Variants in PIGX observed in about 807,000 individuals in gnomAD.
The protein encoded by PIGX is GPI alpha-1,4-mannosyltransferase I, stabilizing subunit.
Under a neutral mutation model 28.7 loss-of-function variants are expected in PIGX, and 24 were observed. The observed-to-expected ratio is 0.84, with a 90% CI of 0.60 to 1.17. The LOEUF (loss-of-function observed/expected upper bound fraction) is 1.17, where lower values mean the gene tolerates loss of function less well. Among genes scored for constraint, PIGX ranks in the 50% most tolerant of loss-of-function variants. The pLI is 0.00. For synonymous variants in PIGX, 127 were observed against 121.0 expected (o/e 1.05, Z -0.33); for missense variants, 305 against 317.8 (o/e 0.96, Z 0.31).
chr3:196,724,138 C>T (rs913438541), intron 3 of PIGX, among the ~76,000 whole-genome samples: 5 of 151,712 alleles, frequency 3.3e-5, no homozygotes, highest in Admixed American at 6.6e-5. Context: ...CCTCAGCCTC[C>T]CGAGTAGCTA....
In PIGX at chr3:196,722,556, G is replaced by A. The variant is rs1352720846; in HGVS notation, c.318G>A (p.Glu106=). The change falls in exon 3 of 6, where the codon GAG becomes GAA. Residue 106 remains glutamate, a splice_region_variant and synonymous_variant. Transcript: ENST00000392391. The stretch of plus-strand genomic sequence containing the variant: ...CATTACGAGAGAGAAACATAACAGA[G>A]GTACAGTTATTAGGGGATTTTTTGG... The A allele has an allele frequency of 8.1e-6, 13 of 1,612,140 alleles. No homozygotes were observed. Among genetic ancestry groups the A allele is most frequent in the Non-Finnish European group, 1.0e-5 (12 of 1,178,824 alleles).
At chr3:196,721,498 C>T (rs942044498) in intron 2 of PIGX, 3 of 159,346 alleles carry the variant, frequency 1.9e-5, no homozygotes, top group African/African-American at 7.3e-5. Context: ...TATAATGGCG[C>T]TATCAGAGCT....
intron 1 of PIGX, 135 bp downstream of exon 1, chr3:196,712,779 A>G (rs1050747855): frequency 1.8e-6 from 2 of 1,107,138 alleles, no homozygotes; most frequent in African/African-American, 1.7e-5. Flanking sequence ...GTCAGACACT[A>G]GAGCCGTGTG....
Position 196,732,282 on chromosome 3 carries a change from TATTTTA to T in PIGX, c.633+1191_633+1196del, listed in dbSNP as rs1560080876. Among the ~76,000 whole-genome samples, 759 of 83,506 alleles carry T rather than the reference TATTTTA, an allele frequency of 9.1e-3. 160 individuals carry two copies. The highest frequency in any genetic ancestry group is 0.027 in the East Asian group (56 of 2,106). 54.8% of individuals were successfully genotyped at this position (83,506 alleles called of 152,430 possible). A position where few individuals can be genotyped will look rare whatever the true frequency, so the allele number is the denominator to read the frequency against. On this transcript the variant is annotated intron_variant, in intron 5 of 5. Coordinates refer to ENST00000392391, the MANE Select transcript of PIGX (RefSeq NM_017861.4). The stretch of plus-strand genomic sequence containing the variant: ...TTTTATTTTATTTTATTTTTTTTTT[TATTTTA>T]TTTTTTTTTTTGAGACGGAGTCTCG...
intron 2 of PIGX, among the ~76,000 whole-genome samples, chr3:196,721,666 C>G (rs956947532): frequency 2.6e-5 from 4 of 152,026 alleles, no homozygotes; most frequent in African/African-American, 9.7e-5. Flanking sequence ...AAACTCCTGG[C>G]TTCAAATGAT....
intron 3 of PIGX, among the ~76,000 whole-genome samples, chr3:196,727,468 TACTC>T (rs1466089257): frequency 1.3e-5 from 2 of 152,224 alleles, no homozygotes; most frequent in Non-Finnish European, 2.9e-5. Flanking sequence ...GCAGTGCTCT[TACTC>T]ACTGCCATCT....
In PIGX at chr3:196,722,546, A is replaced by G. The variant is rs1352802465; in HGVS notation, c.308A>G (p.Asn103Ser). The G allele has an allele frequency of 6.2e-7, 1 of 1,613,374 alleles. No homozygotes were observed. Among genetic ancestry groups the G allele is most frequent in the Non-Finnish European group, 8.5e-7 (1 of 1,179,496 alleles). ...GAGTTGGCTTCATTACGAGAGAGAA[A>G]CATAACAGAGGTACAGTTATTAGGG... The change falls in exon 3 of 6, where the codon AAC becomes AGC. Residue 103 changes from asparagine (N) to serine (S), a missense_variant. Physicochemically the swap from Asn to Ser is conservative, Grantham distance 46. Transcript: ENST00000392391.
At position 196,733,882 on chromosome 3, in the gene PIGX, T is replaced by TA. The variant is rs772151616; in HGVS notation, c.758dup (p.Tyr253Ter). Reference sequence around the variant, plus strand: ...ATTGATCCTTGTAGCAGTTTTCAAATATGGCCATTTTTCCCTATAAGTTTT... The same window carrying TA: ...ATTGATCCTTGTAGCAGTTTTCAAATAATGGCCATTTTTCCCTATAAGTTTT... Residue 253 changes from tyrosine (Y) to a stop codon, truncating the protein, a stop_gained and frameshift_variant, in exon 6 of 6, where the codon TAT becomes TAAT. Coordinates refer to ENST00000392391, the MANE Select transcript of PIGX (RefSeq NM_017861.4). LOFTEE classifies it high-confidence loss of function. This position sits in a 1 kb window ranked among gnomAD's most constrained non-coding sequence, Gnocchi z 4.3. 5.6e-6 allele frequency: 9 copies of TA among 1,604,014 alleles called. No homozygotes were observed. Among genetic ancestry groups the TA allele is most frequent in the African/African-American group, 1.3e-5 (1 of 74,728 alleles).
At chr3:196,713,881 G>A (rs531396908) in intron 1 of PIGX, among the ~76,000 whole-genome samples, 19 of 150,912 alleles carry the variant, frequency 1.3e-4, no homozygotes, top group African/African-American at 3.6e-4. Flanking sequence ...TCCAGAGCCA[G>A]TTCACCACTA....
At chr3:196,732,244 ATATATATATATATTT>A (rs1455334601) in intron 5 of PIGX, among the ~76,000 whole-genome samples, 5 of 31,956 alleles carry the variant, frequency 1.6e-4, no homozygotes, top group East Asian at 2.7e-3. Flanking sequence ...ATATATATAT[ATATATATATATATTT>A]TATTTTATTT....
In PIGX at chr3:196,728,580, C is replaced by T. The variant is rs117886595; in HGVS notation, c.532+444C>T. ...TGTACAGGTTTCTCTCTATCCCTTT[C>T]CTTTCTTCAACACTGATCTGTTGAA... On this transcript the variant is annotated intron_variant, in intron 4 of 5. Transcript: ENST00000392391. 1.8e-3 allele frequency: 1,282 copies of T among 696,004 alleles called. 17 individuals carry two copies. The East Asian group carries it at 0.029, about 16-fold the overall frequency. 43.1% of individuals were successfully genotyped at this position (696,004 alleles called of 1,614,324 possible). A position where few individuals can be genotyped will look rare whatever the true frequency, so the allele number is the denominator to read the frequency against.
chr3:196,712,734 C>A (rs1263474033), intron 1 of PIGX, 90 bp downstream of exon 1: 2 of 1,114,446 alleles, frequency 1.8e-6, no homozygotes, highest in Admixed American at 1.0e-4. Context: ...GGGGACCCGG[C>A]GCGGGACCTA....
At chr3:196,730,696 C>T (rs967410651) in intron 4 of PIGX, among the ~76,000 whole-genome samples, 3 of 139,880 alleles carry the variant, frequency 2.1e-5, no homozygotes, top group Non-Finnish European at 4.5e-5. Flanking sequence ...TGCAGTGAGC[C>T]GAGATTGCAC....
chr3:196,722,652 A>G, intron 3 of PIGX, 96 bp downstream of exon 3: 1 of 1,025,662 alleles, frequency 9.7e-7, no homozygotes, highest in Non-Finnish European at 1.5e-6. Flanking sequence ...TCATTTTGTT[A>G]AAGTGTATAA....
chr3:196,727,308 A>G (rs549061070), intron 3 of PIGX, among the ~76,000 whole-genome samples: 91 of 152,346 alleles, frequency 6.0e-4, no homozygotes, highest in African/African-American at 2.2e-3. Context: ...TTTCTGCCAC[A>G]TGTACATTTT....
At chr3:196,729,951 T>A (rs1328070098) in intron 4 of PIGX, among the ~76,000 whole-genome samples, 2 of 151,222 alleles carry the variant, frequency 1.3e-5, no homozygotes, top group African/African-American at 4.9e-5. Flanking sequence ...GCACCTGCAA[T>A]CCCAGCTACT....
intron 5 of PIGX, among the ~76,000 whole-genome samples, chr3:196,732,860 T>G (rs1490679392): frequency 6.6e-6 from 1 of 152,206 alleles, no homozygotes; most frequent in Non-Finnish European, 1.5e-5. Flanking sequence ...TCATTGAACT[T>G]TATCTTCAAA....
intron 3 of PIGX, among the ~76,000 whole-genome samples, chr3:196,723,616 CT>C (rs537275236): frequency 0.034 from 4,575 of 135,004 alleles, 84 homozygotes; most frequent in Non-Finnish European, 0.049. Context: ...CAGATGATTT[CT>C]TTTTTTTTTT....
At chr3:196,718,328 G>A (rs568352999) in intron 2 of PIGX, among the ~76,000 whole-genome samples, 1 of 152,000 alleles carries the variant, frequency 6.6e-6, no homozygotes, top group East Asian at 1.9e-4. Context: ...AAAAAAAAAG[G>A]GGGGGAAGGG....
Sources: gnomAD v4.1 joint callset for allele counts (sites outside exome capture counted in the v4.1 genomes callset) on GRCh38, gnomAD v4.1.1 for gene constraint, Gnocchi (gnomAD v3.1) non-coding constraint, MANE v1.5 for transcripts, NCBI Gene and HGNC (gene_info 2026-07-23, HGNC 2026-07-21) for gene names.